Variants in SGSM3 observed in about 807,000 individuals in gnomAD.
SGSM3 encodes RUN and SH3 containing 3.
Under a neutral mutation model 100.5 loss-of-function variants are expected in SGSM3, and 96 were observed. That is an observed-to-expected ratio of 0.96 (90% CI 0.81 to 1.13). The LOEUF (loss-of-function observed/expected upper bound fraction) is 1.13, where lower values mean the gene tolerates loss of function less well. Ranked by LOEUF, SGSM3 falls within the 50% of genes most tolerant of loss-of-function variation. SGSM3 has a pLI of 0.00. For missense variants in SGSM3, 1,001 were observed against 1,015.8 expected (o/e 0.99, Z 0.20); for synonymous variants, 483 against 422.8 (o/e 1.14, Z -1.75).
intron 19 of SGSM3, 25 bp from the exon 20 acceptor site, chr22:40,409,225 T>C (rs1477733003): frequency 2.5e-6 from 4 of 1,580,670 alleles, no homozygotes; most frequent in Non-Finnish European, 3.4e-6. Flanking sequence ...CTGCCCCTGC[T>C]CCCCACTCCT....
chr22:40,410,263 G>A lies in SGSM3; in HGVS notation c.*504G>A, dbSNP rs1211493860. On this transcript the variant is annotated 3_prime_UTR_variant, in exon 22 of 22. Transcript: ENST00000248929. Reference sequence around the variant, plus strand: ...CAGCTGTGCTACCCACCCCTTCCATGGACTGAATAAGATGGACTAACAGGC... The same window carrying A: ...CAGCTGTGCTACCCACCCCTTCCATAGACTGAATAAGATGGACTAACAGGC... The A allele has an allele frequency of 3.8e-6, 3 of 791,988 alleles. No individual in the cohort carries two copies. Among genetic ancestry groups the A allele is most frequent in the Non-Finnish European group, 3.2e-6 (2 of 632,794 alleles). 49.1% of individuals were successfully genotyped at this position (791,988 alleles called of 1,614,324 possible).
chr22:40,407,574 T>TG lies in SGSM3; in HGVS notation c.1524+11dup. ...GCAAGAACGACATCATCACAGTGCG[T>TG]GGGGGCGCTGGACTACCAGGTCCTC... On this transcript the variant is annotated splice_region_variant and intron_variant, in intron 13 of 21. Transcript: ENST00000248929. The surrounding 1 kb of genome is among the most constrained non-coding windows in gnomAD (Gnocchi z 4.7). 1 of 1,601,144 alleles carries TG rather than the reference T, an allele frequency of 6.2e-7. No individual in the cohort carries two copies.
At chr22:40,405,564 T>C in intron 7 of SGSM3, 85 bp from the exon 8 acceptor site, 18 of 1,280,108 alleles carry the variant, frequency 1.4e-5, no homozygotes, top group Non-Finnish European at 2.0e-5. Context: ...AGGCTTTTGC[T>C]AATTGGTCTC....
chr22:40,405,337 C>G, intron 7 of SGSM3, 53 bp downstream of exon 7: 1 of 1,425,616 alleles, frequency 7.0e-7, no homozygotes, highest in Admixed American at 2.7e-5. Flanking sequence ...CCTCCAGGAC[C>G]CTAACAAGGA....
chr22:40,402,504 C>T (rs1191896983), intron 4 of SGSM3, among the ~76,000 whole-genome samples: 8 of 152,184 alleles, frequency 5.3e-5, no homozygotes, highest in African/African-American at 1.7e-4. Context: ...CTTTGGGAGG[C>T]TGAGGTGGAT....
At chr22:40,389,919 A>AG (rs1405821850) in intron 1 of SGSM3, among the ~76,000 whole-genome samples, 1 of 150,660 alleles carries the variant, frequency 6.6e-6, no homozygotes, top group East Asian at 1.9e-4. Flanking sequence ...AAAAAAAGAA[A>AG]AAAAAAAAAA....
At chr22:40,390,239 C>T (rs1353897677) in intron 1 of SGSM3, 1 of 152,304 alleles carries the variant, frequency 6.6e-6, no homozygotes, top group Non-Finnish European at 1.5e-5. Flanking sequence ...GGTGGTAACA[C>T]GGTTCAAAAT....
rs552980980 is a variant in SGSM3, at chr22:40,409,895, G to A, written c.*136G>A. The A allele has an allele frequency of 4.1e-5, 58 of 1,425,896 alleles. No individual in the cohort carries two copies. Among genetic ancestry groups the A allele is most frequent in the African/African-American group, 8.6e-5 (6 of 69,370 alleles). The allele number at this position is 1,425,896 out of a possible 1,614,324, so 88.3% of individuals were successfully genotyped here. A position where few individuals can be genotyped will look rare whatever the true frequency, so the allele number is the denominator to read the frequency against. The stretch of plus-strand genomic sequence containing the variant: ...TCAATATCAGGCTGCCCCACTCCAC[G>A]TTCCCCAGCACATCCCAGGTGGTGG... On this transcript the variant is annotated 3_prime_UTR_variant, in exon 22 of 22. Transcript: ENST00000248929.
At chr22:40,409,080 G>T (rs2052157010) in intron 19 of SGSM3, 62 bp downstream of exon 19, 1 of 1,551,854 alleles carries the variant, frequency 6.4e-7, no homozygotes, top group Non-Finnish European at 8.7e-7. Flanking sequence ...CCAGCATCAG[G>T]GGGGGTCCTT....
intron 1 of SGSM3, among the ~76,000 whole-genome samples, chr22:40,386,160 G>T (rs1234342743): frequency 6.6e-6 from 1 of 151,968 alleles, no homozygotes; most frequent in Non-Finnish European, 1.5e-5. Context: ...GATCACAAAT[G>T]TGAGCCACCA....
In SGSM3 at chr22:40,407,201, G is replaced by T; in HGVS notation, c.1241G>T (p.Gly414Val). The T allele has an allele frequency of 6.2e-7, 1 of 1,613,616 alleles. No homozygotes were observed. Among genetic ancestry groups the T allele is most frequent in the Non-Finnish European group, 8.5e-7 (1 of 1,179,960 alleles). ...CACCATGGTTCTCTGGGCCTCCTAG[G>T]GGAGGATGACCTGGAGGCACTCAAG... is the stretch of plus-strand genomic sequence containing the variant. ...RKSTITALLFGEDDLEALKAK... is the reference protein window; with the variant it reads ...RKSTITALLFVEDDLEALKAK... Residue 414 changes from glycine to valine, a missense_variant and splice_region_variant, in exon 12 of 22, where the codon GGG (glycine) becomes GTG (valine). By Grantham distance (109) the Gly-to-Val change is moderately radical. Transcript: ENST00000248929. The surrounding 1 kb of genome is among the most constrained non-coding windows in gnomAD (Gnocchi z 4.7).
chr22:40,406,591 A>G lies in SGSM3; in HGVS notation c.1114A>G (p.Lys372Glu). 1 of 1,612,666 alleles carries G rather than the reference A, an allele frequency of 6.2e-7. No homozygotes were observed. The highest frequency in any genetic ancestry group is 8.5e-7 in the Non-Finnish European group (1 of 1,179,630). The change falls in exon 10 of 22, where the codon AAG (lysine) becomes GAG (glutamate). Residue 372 changes from lysine (K) to glutamate (E), a missense_variant. Coordinates refer to ENST00000248929, the MANE Select transcript of SGSM3 (RefSeq NM_015705.6). ...TDVAVETQRR[K>E]HLAYLIADQG... ...TGTGGCCGTGGAGACTCAGCGCCGC[A>G]AGCACCTGGCCTATCTCATTGCAGA...
At position 40,406,139 on chromosome 22, in the gene SGSM3, G is replaced by C. The variant is rs1225043878; in HGVS notation, c.876G>C (p.Lys292Asn). 1.2e-6 allele frequency: 2 copies of C among 1,614,038 alleles called. No homozygotes were observed. The highest frequency in any genetic ancestry group is 3.3e-5 in the Admixed American group (2 of 60,010). The change falls in exon 9 of 22, where the codon AAG becomes AAC. Residue 292 changes from lysine (K) to asparagine (N), a missense_variant. Physicochemically the swap from Lys to Asn is moderately conservative, Grantham distance 94. Coordinates refer to ENST00000248929, the MANE Select transcript of SGSM3 (RefSeq NM_015705.6). ...CCTTCGCCAGCGTGGTGGACATCAAGCTGCTCCTGCGCATCTGGGACCTGT... is the reference window on the plus strand; with the variant it reads ...CCTTCGCCAGCGTGGTGGACATCAACCTGCTCCTGCGCATCTGGGACCTGT... ...LTAFASVVDIKLLLRIWDLFF... is the reference protein window; with the variant it reads ...LTAFASVVDINLLLRIWDLFF...
At chr22:40,383,791 G>A (rs1012454185) in intron 1 of SGSM3, among the ~76,000 whole-genome samples, 1 of 152,222 alleles carries the variant, frequency 6.6e-6, no homozygotes, top group Non-Finnish European at 1.5e-5. Flanking sequence ...AACATAAACG[G>A]AATGATAATC....
In SGSM3 at chr22:40,407,051, C is replaced by T; in HGVS notation, c.1220C>T (p.Thr407Ile). ...VRRRTQRRKS[T>I]ITALLFGEDD... Reference sequence around the variant, plus strand: ...CGCAGGACCCAGCGGAGGAAGTCCACCATCACTGCTCTGCTCTTCGGTGAG... The same window carrying T: ...CGCAGGACCCAGCGGAGGAAGTCCATCATCACTGCTCTGCTCTTCGGTGAG... Residue 407 changes from threonine to isoleucine, a missense_variant, in exon 11 of 22, where the codon ACC (threonine) becomes ATC (isoleucine). Physicochemically the swap from Thr to Ile is moderately conservative, Grantham distance 89 (BLOSUM62 -1). Coordinates refer to ENST00000248929, the MANE Select transcript of SGSM3 (RefSeq NM_015705.6). The surrounding 1 kb of genome is among the most constrained non-coding windows in gnomAD (Gnocchi z 4.7). The T allele has an allele frequency of 6.3e-7, 1 of 1,590,534 alleles. No homozygotes were observed.
In SGSM3 at chr22:40,408,410, CCTGG is replaced by C. The variant is rs746020690; in HGVS notation, c.1767_1770del (p.Trp589CysfsTer37). On this transcript the variant is annotated frameshift_variant, in exon 16 of 22. Transcript: ENST00000248929. LOFTEE classifies it high-confidence loss of function. Reference sequence around the variant, plus strand: ...TCCCTGCTTGGGGGCGCCTGCCACCCCTGGCTGTTTATCGAGGAGGTAAGTCAGT... The same window carrying C: ...TCCCTGCTTGGGGGCGCCTGCCACCCCTGTTTATCGAGGAGGTAAGTCAGT... The C allele has an allele frequency of 6.2e-7, 1 of 1,613,508 alleles. No individual in the cohort carries two copies. Among genetic ancestry groups the C allele is most frequent in the Non-Finnish European group, 8.5e-7 (1 of 1,179,978 alleles).
In SGSM3 at chr22:40,408,312, G is replaced by T. The variant is rs2051955976; in HGVS notation, c.1665G>T (p.Gly555=). The T allele has an allele frequency of 6.2e-7, 1 of 1,613,606 alleles. No homozygotes were observed. The highest frequency in any genetic ancestry group is 8.5e-7 in the Non-Finnish European group (1 of 1,179,988). ...SIAGDDSVTE[G]VTDLVRGTLC... ...CGGGGGATGACTCGGTGACGGAGGG[G>T]GTCACAGACCTCGTGCGAGGGACCC... is the stretch of plus-strand genomic sequence containing the variant. The change falls in exon 16 of 22, where the codon GGG becomes GGT. Residue 555 remains glycine, a synonymous_variant. Transcript: ENST00000248929.
intron 1 of SGSM3, among the ~76,000 whole-genome samples, chr22:40,392,227 C>T (rs1484837325): frequency 1.3e-5 from 2 of 149,618 alleles, no homozygotes; most frequent in Non-Finnish European, 3.0e-5. Context: ...TTTTTTTTTT[C>T]CAGTGATTAT....
chr22:40,378,389 A>G (rs2047002376), intron 1 of SGSM3: 1 of 152,204 alleles, frequency 6.6e-6, no homozygotes, highest in African/African-American at 2.4e-5. Context: ...GAATAGTGCC[A>G]CTGCATTCCA....
Sources: allele counts gnomAD v4.1 joint callset (sites outside exome capture counted in the v4.1 genomes callset), GRCh38; gene constraint gnomAD v4.1.1; non-coding constraint Gnocchi (gnomAD v3.1); transcripts MANE v1.5; gene names NCBI Gene and HGNC (gene_info 2026-07-23, HGNC 2026-07-21).